ATP2B2: variants seen among roughly 807,000 people sequenced by gnomAD.
The protein encoded by ATP2B2 is plasma membrane calcium-transporting ATPase 2.
Under a neutral mutation model 120.0 loss-of-function variants are expected in ATP2B2, and 15 were observed. That is an observed-to-expected ratio of 0.12 (90% CI 0.08 to 0.19). The LOEUF (loss-of-function observed/expected upper bound fraction) is 0.19. Among genes scored for constraint, ATP2B2 ranks in the 10% least tolerant of loss-of-function variants. The probability of loss-of-function intolerance (pLI) is 1.00; values close to 1 mark genes in which losing one functional copy is unlikely to be tolerated. For missense variants in ATP2B2, 1,045 were observed against 1,719.8 expected (o/e 0.61, Z 6.94); for synonymous variants, 694 against 700.3 (o/e 0.99, Z 0.14).
intron 1 of ATP2B2, among the ~76,000 whole-genome samples, chr3:10,701,515 T>C (rs1005600816): frequency 2.6e-5 from 4 of 152,210 alleles, no homozygotes; most frequent in Admixed American, 6.5e-5. Context: ...GTTGTACCCA[T>C]CGTTGTTGTT....
At chr3:10,362,786 G>A (rs1038493691) in intron 12 of ATP2B2, among the ~76,000 whole-genome samples, 1 of 152,204 alleles carries the variant, frequency 6.6e-6, no homozygotes, top group African/African-American at 2.4e-5. Context: ...CATGTCTGAA[G>A]TTTGGGAAAA....
intron 1 of ATP2B2, among the ~76,000 whole-genome samples, chr3:10,652,591 C>A (rs2070494949): frequency 6.6e-6 from 1 of 152,178 alleles, no homozygotes; most frequent in African/African-American, 2.4e-5. Context: ...CGTGATACAG[C>A]AATCCCATTC....
intron 2 of ATP2B2, among the ~76,000 whole-genome samples, chr3:10,545,106 T>C (rs1462622347): frequency 6.6e-6 from 1 of 152,142 alleles, no homozygotes; most frequent in Non-Finnish European, 1.5e-5. Context: ...AGAAACAATG[T>C]TTCCCAGTAG....
chr3:10,702,723 G>T (rs537566619), intron 1 of ATP2B2, among the ~76,000 whole-genome samples: 1 of 152,220 alleles, frequency 6.6e-6, no homozygotes, highest in South Asian at 2.1e-4. Context: ...ATAAGGAACC[G>T]GGTCATTACA....
chr3:10,671,534 T>G (rs2071096540), intron 1 of ATP2B2, among the ~76,000 whole-genome samples: 1 of 151,994 alleles, frequency 6.6e-6, no homozygotes, highest in Admixed American at 6.5e-5. Flanking sequence ...TTGGTCACCC[T>G]AGGGAGGAGT....
rs566878818 is a variant in ATP2B2 at position 10,677,578 on chromosome 3, T to C, written c.-460+30337A>G. Among the ~76,000 whole-genome samples, 12 of 152,292 alleles carry C rather than the reference T, an allele frequency of 7.9e-5. No homozygotes were observed. In the South Asian group the frequency reaches 2.5e-3, roughly 32 times the overall value. On this transcript the variant is annotated intron_variant, in intron 1 of 21. Coordinates refer to the ATP2B2 transcript ENST00000646379. Reference sequence around the variant, plus strand: ...TGATGTGTCAATGTAGGCCCATCCATTGTAATACATATATCACTCTGGTGG... The same window carrying C: ...TGATGTGTCAATGTAGGCCCATCCACTGTAATACATATATCACTCTGGTGG...
intron 3 of ATP2B2, among the ~76,000 whole-genome samples, chr3:10,513,589 A>G (rs1306675368): frequency 2.6e-5 from 4 of 152,174 alleles, no homozygotes; most frequent in Admixed American, 2.0e-4. Flanking sequence ...CGCAGGTCCT[A>G]TGATCCACTC....
chr3:10,529,457 A>G (rs2067165985), intron 3 of ATP2B2, among the ~76,000 whole-genome samples: 1 of 152,228 alleles, frequency 6.6e-6, no homozygotes, highest in Admixed American at 6.5e-5. Context: ...TTTATGTAAG[A>G]CAATGACCCC....
chr3:10,657,890 G>A (rs1278921745), intron 1 of ATP2B2, among the ~76,000 whole-genome samples: 2 of 152,236 alleles, frequency 1.3e-5, no homozygotes, highest in Admixed American at 6.5e-5. Context: ...GTACCCCTCT[G>A]AGATGAAACT....
intron 14 of ATP2B2, among the ~76,000 whole-genome samples, chr3:10,357,691 C>T (rs1013045947): frequency 2.0e-5 from 3 of 152,194 alleles, no homozygotes; most frequent in Non-Finnish European, 2.9e-5. Flanking sequence ...CTGGCCAGGG[C>T]ATCCGGTCTG....
intron 1 of ATP2B2, among the ~76,000 whole-genome samples, chr3:10,622,403 T>TGACA (rs1269028389): frequency 6.6e-6 from 1 of 152,144 alleles, no homozygotes; most frequent in Non-Finnish European, 1.5e-5. Context: ...TCATCTGCAT[T>TGACA]GACAGCAGCC....
intron 1 of ATP2B2, among the ~76,000 whole-genome samples, chr3:10,686,471 G>A (rs1161421800): frequency 1.2e-4 from 19 of 152,054 alleles, no homozygotes; most frequent in Admixed American, 1.0e-3. Flanking sequence ...TGGCTAACAC[G>A]GTGAAACCCC....
intron 16 of ATP2B2, 135 bp downstream of exon 16, chr3:10,349,977 C>CT: frequency 1.2e-6 from 1 of 859,340 alleles, no homozygotes; most frequent in South Asian, 1.6e-5. Context: ...TGACATAAGG[C>CT]TGTGCCCAGG....
At chr3:10,602,059 G>C (rs1306198200) in intron 2 of ATP2B2, among the ~76,000 whole-genome samples, 1 of 152,244 alleles carries the variant, frequency 6.6e-6, no homozygotes, top group African/African-American at 2.4e-5. Flanking sequence ...TGCAGAGGAA[G>C]AGCTGAGGCT....
rs191191545 is a variant in ATP2B2 at position 10,372,301 on chromosome 3, T to C, written c.1417-250A>G. ...TAAAGGACTCAGTTAATTGAATTTA[T>C]TAATTTGGATTACAGAAGTAATCTA... On this transcript the variant is annotated intron_variant, in intron 11 of 22. Coordinates refer to ENST00000360273, the MANE Select transcript of ATP2B2 (RefSeq NM_001001331.4). Among the ~76,000 whole-genome samples, 7 of 152,324 alleles carry C rather than the reference T, an allele frequency of 4.6e-5. No homozygotes were observed. In the East Asian group the frequency reaches 1.4e-3, roughly 29 times the overall value.
chr3:10,406,757 C>T (rs1478675382), intron 3 of ATP2B2, among the ~76,000 whole-genome samples: 5 of 152,230 alleles, frequency 3.3e-5, no homozygotes, highest in Admixed American at 3.3e-4. Flanking sequence ...AACTCATACA[C>T]TCATTGCGTG....
Position 10,501,372 on chromosome 3 carries a change from G to GTTTTT in ATP2B2, c.-320+4092_-320+4093insAAAAA, listed in dbSNP as rs140295226. On this transcript the variant is annotated intron_variant, in intron 1 of 22. Coordinates refer to ENST00000360273, the MANE Select transcript of ATP2B2 (RefSeq NM_001001331.4). ...CCATAGCATAACCCATTTTTTAAACGGTTTTTTTTTTTTTTTGAGACAGGG... is the reference window on the plus strand; with the variant it reads ...CCATAGCATAACCCATTTTTTAAACGTTTTTGTTTTTTTTTTTTTTTGAGACAGGG... Among the ~76,000 whole-genome samples the GTTTTT allele has an allele frequency of 4.3e-5, 6 of 138,062 alleles. 2 individuals are homozygous for GTTTTT. The highest frequency in any genetic ancestry group is 6.9e-5 in the Admixed American group (1 of 14,404). The allele number at this position is 138,062 out of a possible 152,430, so 90.6% of individuals were successfully genotyped here. A position where few individuals can be genotyped will look rare whatever the true frequency, so the allele number is the denominator to read the frequency against.
At chr3:10,644,924 C>T (rs1301830395) in intron 1 of ATP2B2, among the ~76,000 whole-genome samples, 1 of 152,154 alleles carries the variant, frequency 6.6e-6, no homozygotes, top group Non-Finnish European at 1.5e-5. Context: ...AAAAAAGTAT[C>T]ATATCATATC....
At chr3:10,657,081 T>C (rs1383110427) in intron 1 of ATP2B2, among the ~76,000 whole-genome samples, 2 of 152,238 alleles carry the variant, frequency 1.3e-5, no homozygotes, top group African/African-American at 4.8e-5. Flanking sequence ...TTGGAGAAGA[T>C]GCTCAGTGAG....
Sources: gnomAD v4.1 joint callset for allele counts (sites outside exome capture counted in the v4.1 genomes callset) on GRCh38, gnomAD v4.1.1 for gene constraint, MANE v1.5 for transcripts, NCBI Gene and HGNC (gene_info 2026-07-23, HGNC 2026-07-21) for gene names.